MGST1: variants seen among roughly 807,000 people sequenced by gnomAD.
The protein encoded by MGST1 is microsomal glutathione S-transferase 1, also known as glutathione S-transferase 12.
MGST1 carries 5 observed loss-of-function variants against 8.9 expected under a neutral mutation model. That is an observed-to-expected ratio of 0.56 (90% CI 0.29 to 1.19). The LOEUF (loss-of-function observed/expected upper bound fraction) is 1.19, where lower values mean the gene tolerates loss of function less well. Among genes scored for constraint, MGST1 ranks in the 50% most tolerant of loss-of-function variants. MGST1 has a pLI of 0.08. For missense variants in MGST1, 182 were observed against 187.4 expected (o/e 0.97, Z 0.17); for synonymous variants, 54 against 67.8 (o/e 0.80, Z 1.00).
intron 4 of MGST1, among the ~76,000 whole-genome samples, chr12:16,574,975 A>G (rs1314412886): frequency 2.0e-5 from 3 of 152,180 alleles, no homozygotes; most frequent in South Asian, 2.1e-4. Flanking sequence ...CTTACCCTCA[A>G]TTGAAGTATG....
At chr12:16,402,337 A>G in intron 1 of MGST1, 1 of 1,596,344 alleles carries the variant, frequency 6.3e-7, no homozygotes, top group African/African-American at 1.3e-5. Context: ...CAACGTTGGC[A>G]TACTCATCTT....
rs1297277850 is a variant in MGST1 at position 16,363,643 on chromosome 12, G to A, written c.222-152G>A. The A allele has an allele frequency of 1.2e-5, 7 of 584,248 alleles. No homozygotes were observed. Among genetic ancestry groups the A allele is most frequent in the East Asian group, 9.3e-5 (3 of 32,390 alleles). 36.2% of individuals were successfully genotyped at this position (584,248 alleles called of 1,614,324 possible). On this transcript the variant is annotated intron_variant, in intron 3 of 3. Transcript: ENST00000396210. This position sits in a 1 kb window ranked among gnomAD's most constrained non-coding sequence, Gnocchi z 4.6. ...TCTAAATAAAAGTCAAGTGGGCAAG[G>A]AAGCAAGACAATTTGAGAGAAAAAA...
At chr12:16,479,301 C>A (rs1447359510) in intron 4 of MGST1, among the ~76,000 whole-genome samples, 6 of 142,408 alleles carry the variant, frequency 4.2e-5, no homozygotes, top group Non-Finnish European at 9.0e-5. Flanking sequence ...GTGGCGCGAT[C>A]TGGGCTCACT....
chr12:16,531,869 A>G (rs889126830), intron 4 of MGST1, among the ~76,000 whole-genome samples: 1 of 152,164 alleles, frequency 6.6e-6, no homozygotes, highest in Non-Finnish European at 1.5e-5. Flanking sequence ...AAGAGCAAGT[A>G]TTAACAGGTG....
In MGST1 at chr12:16,503,904, T is replaced by C. The variant is rs1390163523; in HGVS notation, n.483-85624T>C. ...GCTGCCACTCTGGGCACATTGCCTA[T>C]GGGGTAGCCCTGCTCTGCAAGGCAC... is the stretch of plus-strand genomic sequence containing the variant. On this transcript the variant is annotated intron_variant and non_coding_transcript_variant, in intron 4 of 4. Coordinates refer to the MGST1 transcript ENST00000538857. This position sits in a 1 kb window ranked among gnomAD's most constrained non-coding sequence, Gnocchi z 4.8. Among the ~76,000 whole-genome samples, 5 of 152,224 alleles carry C rather than the reference T, an allele frequency of 3.3e-5. No homozygotes were observed. Among genetic ancestry groups the C allele is most frequent in the African/African-American group, 9.6e-5 (4 of 41,454 alleles).
In MGST1 at chr12:16,392,807, TG is replaced by T. The variant is rs569999035; in HGVS notation, n.778+9204del. Among the ~76,000 whole-genome samples, 8 of 152,204 alleles carry T rather than the reference TG, an allele frequency of 5.3e-5. No individual in the cohort carries two copies. The South Asian group carries it at 1.7e-3, about 31-fold the overall frequency. ...ATACAAAGATATATCTGTATACATA[TG>T]ATAGATATATAGATAGATTGAAATA... On this transcript the variant is annotated intron_variant and non_coding_transcript_variant, in intron 1 of 1. Transcript: ENST00000359720.
rs1445281889 is a variant in MGST1 at position 16,569,084 on chromosome 12, T to C, written n.483-20444T>C. Among the ~76,000 whole-genome samples the C allele has an allele frequency of 2.0e-5, 3 of 152,186 alleles. No individual in the cohort carries two copies. In the East Asian group the frequency reaches 5.8e-4, roughly 29 times the overall value. ...ACTCAGTGTTAATTCCTTTCTAAAC[T>C]TGCCATTTCCTGCTCCATGAAGACA... On this transcript the variant is annotated intron_variant and non_coding_transcript_variant, in intron 4 of 4. Coordinates refer to the MGST1 transcript ENST00000538857.
intron 1 of MGST1, among the ~76,000 whole-genome samples, chr12:16,397,665 A>G (rs1178304397): frequency 2.6e-5 from 4 of 152,032 alleles, no homozygotes; most frequent in African/African-American, 9.7e-5. Context: ...ACGAATGGCC[A>G]ACAAACATCT....
At chr12:16,439,529 C>CA (rs1941020589), downstream of MGST1, among the ~76,000 whole-genome samples, 1 of 151,804 alleles carries the variant, frequency 6.6e-6, no homozygotes, top group Non-Finnish European at 1.5e-5. Flanking sequence ...TGCCCTAGAG[C>CA]ATTGATTGTC....
intron 4 of MGST1, among the ~76,000 whole-genome samples, chr12:16,533,487 C>G (rs1158254416): frequency 1.3e-5 from 2 of 152,028 alleles, no homozygotes; most frequent in African/African-American, 4.8e-5. Flanking sequence ...GCTTTTTTCT[C>G]GGTTAATTTT....
intron 4 of MGST1, among the ~76,000 whole-genome samples, chr12:16,577,435 G>T (rs1943029948): frequency 6.6e-6 from 1 of 151,946 alleles, no homozygotes; most frequent in African/African-American, 2.4e-5. Flanking sequence ...CATATAGGTT[G>T]TCATCTTATT....
chr12:16,374,999 G>A (rs550300590), intron 3 of MGST1, among the ~76,000 whole-genome samples: 34 of 152,216 alleles, frequency 2.2e-4, no homozygotes, highest in Admixed American at 4.6e-4. Flanking sequence ...TCCCTCTGCC[G>A]CCTCTTGAGT....
intron 4 of MGST1, among the ~76,000 whole-genome samples, chr12:16,535,896 A>C (rs1941754232): frequency 6.6e-6 from 1 of 152,232 alleles, no homozygotes; most frequent in South Asian, 2.1e-4. Flanking sequence ...TGAGTATTTT[A>C]AGTTTCTTAT....
intron 4 of MGST1, among the ~76,000 whole-genome samples, chr12:16,527,105 C>T (rs1772384111): frequency 1.3e-5 from 2 of 151,904 alleles, no homozygotes; most frequent in Admixed American, 6.6e-5. Flanking sequence ...GTTAATTGCC[C>T]ATCAATACAA....
chr12:16,378,944 T>C (rs1282673404), downstream of MGST1, among the ~76,000 whole-genome samples: 7 of 152,100 alleles, frequency 4.6e-5, no homozygotes, highest in Non-Finnish European at 7.4e-5. Flanking sequence ...TTTGGCTCTC[T>C]GTTTGTCTGT....
At chr12:16,368,065 G>A (rs1940225309), downstream of MGST1, among the ~76,000 whole-genome samples, 1 of 152,102 alleles carries the variant, frequency 6.6e-6, no homozygotes, top group Non-Finnish European at 1.5e-5. Context: ...ACGATCAAAA[G>A]GTAATTGTAC....
At chr12:16,381,512 A>G (rs4764268), downstream of MGST1, among the ~76,000 whole-genome samples, 45,279 of 151,774 alleles carry the variant, frequency 0.3, 7,469 homozygotes, top group East Asian at 0.68. Context: ...GAGATCAGCT[A>G]TTAGTCTGAT....
upstream of MGST1, among the ~76,000 whole-genome samples, chr12:16,382,291 G>C (rs968238330): frequency 6.6e-6 from 1 of 152,042 alleles, no homozygotes; most frequent in African/African-American, 2.4e-5. Context: ...GGTCTTTGAT[G>C]ATGGTGACAT....
chr12:16,349,427 A>G (rs986676681), intron 1 of MGST1, among the ~76,000 whole-genome samples: 1 of 152,094 alleles, frequency 6.6e-6, no homozygotes, highest in Non-Finnish European at 1.5e-5. Flanking sequence ...CCTCCAGAAG[A>G]CCAGAGCTGT....
Sources: allele counts gnomAD v4.1 joint callset (sites outside exome capture counted in the v4.1 genomes callset), GRCh38; gene constraint gnomAD v4.1.1; non-coding constraint Gnocchi (gnomAD v3.1); transcripts MANE v1.5; gene names NCBI Gene and HGNC (gene_info 2026-07-23, HGNC 2026-07-21).